The following CAPN15 variants were observed in gnomAD, a reference collection of about 807,000 sequenced individuals.
CAPN15 encodes calpain 15.
In CAPN15, 53 loss-of-function variants were observed where a neutral mutation model predicts 97.9. That is an observed-to-expected ratio of 0.54 (90% confidence interval 0.43 to 0.68). CAPN15 has a LOEUF of 0.68. Among genes scored for constraint, CAPN15 ranks in the 30% least tolerant of loss-of-function variants. The pLI, the probability that CAPN15 is intolerant of heterozygous loss-of-function variation, is 0.00. For missense variants in CAPN15, 1,592 were observed against 1,589.8 expected (o/e 1.00, Z -0.02); for synonymous variants, 922 against 722.5 (o/e 1.28, Z -4.43).
Position 549,847 on chromosome 16 carries a change from A to C in CAPN15, c.2066+9A>C. 6.4e-7 allele frequency: 1 copy of C among 1,562,922 alleles called. No individual in the cohort carries two copies. On this transcript the variant is annotated intron_variant, in intron 7 of 13. Transcript: ENST00000219611. ...AGTTCTAAGGAGGCTGGGTAAGAGG[A>C]GGGGCACTGCGTGGTCAGCCGCGTT...
chr16:545,350 T>TG (rs2034511973), intron 3 of CAPN15, among the ~76,000 whole-genome samples: 2 of 151,944 alleles, frequency 1.3e-5, no homozygotes, highest in Admixed American at 6.5e-5. Context: ...CGCTGACCCC[T>TG]GACCCCTGGC....
Position 536,151 on chromosome 16 carries a change from T to TA in CAPN15, c.-23+9_-23+10insA. The TA allele has an allele frequency of 1.1e-6, 1 of 907,098 alleles. No individual in the cohort carries two copies. 56.2% of individuals were successfully genotyped at this position (907,098 alleles called of 1,614,324 possible). A position where few individuals can be genotyped will look rare whatever the true frequency, so the allele number is the denominator to read the frequency against. On this transcript the variant is annotated intron_variant, in intron 3 of 13. Coordinates refer to ENST00000219611, the MANE Select transcript of CAPN15 (RefSeq NM_005632.3). The stretch of plus-strand genomic sequence containing the variant: ...GGACCTGGGAGTGGCAGGTGAGCGT[T>TA]CCTCCCAAGAGCCTCTGGCTGGCCG...
chr16:536,485 C>T (rs1051939758), intron 3 of CAPN15, among the ~76,000 whole-genome samples: 8 of 151,668 alleles, frequency 5.3e-5, no homozygotes, highest in Non-Finnish European at 1.0e-4. Context: ...TGCAGTGGCG[C>T]GGTCTCGGCT....
intron 3 of CAPN15, among the ~76,000 whole-genome samples, chr16:541,889 C>T (rs1186158141): frequency 1.5e-5 from 2 of 133,876 alleles, no homozygotes; most frequent in Admixed American, 7.4e-5. Flanking sequence ...GCAGAAGGTG[C>T]GTGGATGTGG....
chr16:552,814 G>GGGT lies in CAPN15; in HGVS notation c.2904+43_2904+44insGGT. On this transcript the variant is annotated intron_variant, in intron 12 of 13. Coordinates refer to ENST00000219611, the MANE Select transcript of CAPN15 (RefSeq NM_005632.3). This position sits in a 1 kb window ranked among gnomAD's most constrained non-coding sequence, Gnocchi z 6.4. ...GGGAGGGTGGCGTGGGGCAGGGGGA[G>GGGT]TATGCCCCAGCACCTCCCCTGCCCC... 2 of 1,545,250 alleles carry GGGT rather than the reference G, an allele frequency of 1.3e-6. No individual in the cohort carries two copies. The highest frequency in any genetic ancestry group is 8.7e-7 in the Non-Finnish European group (1 of 1,143,936).
At chr16:534,231 C>CGGGGCCGTGGTCCTGGCGTGGG (rs370331827) in intron 2 of CAPN15, among the ~76,000 whole-genome samples, 2 of 147,790 alleles carry the variant, frequency 1.4e-5, no homozygotes, top group Non-Finnish European at 2.9e-5. Context: ...GGGGTCCCGA[C>CGGGGCCGTGGTCCTGGCGTGGG]AGGGGTGTTT....
chr16:553,228 T>C, intron 13 of CAPN15, 111 bp from the exon 14 acceptor site: 1 of 335,430 alleles, frequency 3.0e-6, no homozygotes, highest in Non-Finnish European at 5.7e-6. Context: ...CCCCCACCCC[T>C]GTACGGGTGT....
intron 3 of CAPN15, among the ~76,000 whole-genome samples, chr16:543,571 C>T (rs542836102): frequency 2.0e-5 from 3 of 152,296 alleles, no homozygotes; most frequent in African/African-American, 7.2e-5. Context: ...CACTCCTGCC[C>T]GTGCCCGCTG....
rs1462650548 is a variant in CAPN15, at chr16:553,519, A to ACCATGCCT, written c.*4_*11dup. 1 of 1,594,046 alleles carries ACCATGCCT rather than the reference A, an allele frequency of 6.3e-7. No homozygotes were observed. The highest frequency in any genetic ancestry group is 1.1e-5 in the South Asian group (1 of 89,574). On this transcript the variant is annotated 3_prime_UTR_variant, in exon 14 of 14. Coordinates refer to ENST00000219611, the MANE Select transcript of CAPN15 (RefSeq NM_005632.3). ...TGCATGGGCCCCGACCGCTGTGACC[A>ACCATGCCT]CCATGCCTGGGGCAGGGGCTGTGCA...
intron 3 of CAPN15, among the ~76,000 whole-genome samples, chr16:536,623 T>C (rs2033757693): frequency 6.6e-6 from 1 of 152,068 alleles, no homozygotes; most frequent in Admixed American, 6.6e-5. Flanking sequence ...ACAGGGTTTC[T>C]CCATCTTGCG....
intron 4 of CAPN15, 22 bp downstream of exon 4, chr16:548,309 TTCCTGCTCCTGAGCC>T (rs1465933307): frequency 1.4e-6 from 2 of 1,449,866 alleles, no homozygotes; most frequent in Non-Finnish European, 1.8e-6. Context: ...CCTCGCCCTC[TTCCTGCTCCTGAGCC>T]TCCTGCTCCC....
intron 4 of CAPN15, 150 bp downstream of exon 4, chr16:548,437 A>G: frequency 1.2e-6 from 1 of 824,034 alleles, no homozygotes; most frequent in Non-Finnish European, 1.8e-6. Flanking sequence ...CCGAGGCTCC[A>G]AGCTCCCAAT....
rs1459571285 is a variant in CAPN15 at position 535,648 on chromosome 16, C to G, written c.-136-381C>G. On this transcript the variant is annotated intron_variant, in intron 2 of 13. Transcript: ENST00000219611. This position sits in a 1 kb window ranked among gnomAD's most constrained non-coding sequence, Gnocchi z 6.2. ...CACACAGCCCGGGGCCCTCCGCACC[C>G]TGCCCCTCCAGGGAGCCCAGAGGCG... Among the ~76,000 whole-genome samples the G allele has an allele frequency of 6.6e-6, 1 of 152,166 alleles. No homozygotes were observed. The highest frequency in any genetic ancestry group is 1.5e-5 in the Non-Finnish European group (1 of 68,010).
chr16:529,326 C>G (rs1371246824), intron 1 of CAPN15, among the ~76,000 whole-genome samples: 1 of 152,094 alleles, frequency 6.6e-6, no homozygotes, highest in Non-Finnish European at 1.5e-5. Flanking sequence ...CCCTGTAATG[C>G]TGCATCTGTG....
rs971652413 is a variant in CAPN15 at position 535,366 on chromosome 16, A to G, written c.-136-663A>G. 4 of 154,254 alleles carry G rather than the reference A, an allele frequency of 2.6e-5. No homozygotes were observed. Among genetic ancestry groups the G allele is most frequent in the African/African-American group, 9.6e-5 (4 of 41,620 alleles). 9.6% of individuals were successfully genotyped at this position (154,254 alleles called of 1,614,324 possible). A position where few individuals can be genotyped will look rare whatever the true frequency, so the allele number is the denominator to read the frequency against. ...GTGCTGAGCCCCGGGCAGTGTGATC[A>G]TCCTGGCCCTTCTCGTGCACGTCCC... On this transcript the variant is annotated intron_variant, in intron 2 of 13. Coordinates refer to ENST00000219611, the MANE Select transcript of CAPN15 (RefSeq NM_005632.3). The surrounding 1 kb of genome is among the most constrained non-coding windows in gnomAD (Gnocchi z 6.2).
intron 3 of CAPN15, chr16:538,913 C>T (rs2033914556): frequency 6.6e-6 from 1 of 151,068 alleles, no homozygotes; most frequent in Admixed American, 6.6e-5. Context: ...GCCCCCAGGC[C>T]TCCCTGAGCT....
At chr16:537,537 G>T (rs2033814837) in intron 3 of CAPN15, 1 of 723,390 alleles carries the variant, frequency 1.4e-6, no homozygotes, top group African/African-American at 1.9e-5. Flanking sequence ...AGCCAAACCA[G>T]CTCAGGGCCC....
chr16:551,740 G>A, intron 9 of CAPN15, 76 bp downstream of exon 9: 2 of 1,554,896 alleles, frequency 1.3e-6, no homozygotes, highest in East Asian at 4.5e-5. Context: ...GAACAAGCCT[G>A]TCCCTCCTGC....
intron 7 of CAPN15, among the ~76,000 whole-genome samples, chr16:550,330 G>T (rs1303706415): frequency 1.3e-5 from 2 of 152,208 alleles, no homozygotes; most frequent in African/African-American, 2.4e-5. Context: ...ACCCGCCCGG[G>T]AGCCACAGAG....
Sources: gnomAD v4.1 joint callset for allele counts (sites outside exome capture counted in the v4.1 genomes callset) on GRCh38, gnomAD v4.1.1 for gene constraint, Gnocchi (gnomAD v3.1) non-coding constraint, MANE v1.5 for transcripts, NCBI Gene and HGNC (gene_info 2026-07-23, HGNC 2026-07-21) for gene names.